COLEC11: variants seen among roughly 807,000 people sequenced by gnomAD.
The protein encoded by COLEC11 is collectin-11.
Under a neutral mutation model 27.3 loss-of-function variants are expected in COLEC11, and 20 were observed. That is an observed-to-expected ratio of 0.73 (90% CI 0.51 to 1.06). COLEC11 has a LOEUF of 1.06. Ranked by LOEUF, COLEC11 falls within the 50% of genes least tolerant of loss-of-function variation. The pLI is 0.00. For missense variants in COLEC11, 310 were observed against 383.0 expected, an observed-to-expected ratio of 0.81 and a Z score of 1.59; for synonymous variants, 163 against 154.7, an observed-to-expected ratio of 1.05 and a Z score of -0.40.
chr2:3,612,258 GCACACATGCA>G (rs771693187), intron 2 of COLEC11, among the ~76,000 whole-genome samples: 50 of 151,322 alleles, frequency 3.3e-4, no homozygotes, highest in Middle Eastern at 3.4e-3. Flanking sequence ...GCACACGCAT[GCACACATGCA>G]CACACATGCA....
intron 4 of COLEC11, among the ~76,000 whole-genome samples, chr2:3,637,993 C>T (rs1016677423): frequency 6.6e-6 from 1 of 152,198 alleles, no homozygotes; most frequent in Non-Finnish European, 1.5e-5. Context: ...TCCCCCAGCT[C>T]AGGTCTCAGG....
At chr2:3,616,515 G>A (rs1302737693) in intron 3 of COLEC11, among the ~76,000 whole-genome samples, 4 of 152,344 alleles carry the variant, frequency 2.6e-5, no homozygotes, top group African/African-American at 7.2e-5. Flanking sequence ...CGGGCACCTC[G>A]GGAGGCCGAG....
chr2:3,608,081 C>T (rs1411759973), intron 2 of COLEC11, among the ~76,000 whole-genome samples: 2 of 152,208 alleles, frequency 1.3e-5, no homozygotes, highest in Non-Finnish European at 1.5e-5. Context: ...ATAAATATGT[C>T]GAAGTATCTT....
At chr2:3,638,430 G>A (rs1665598010) in intron 4 of COLEC11, among the ~76,000 whole-genome samples, 1 of 152,188 alleles carries the variant, frequency 6.6e-6, no homozygotes, top group African/African-American at 2.4e-5. Flanking sequence ...ATGCGGCTAA[G>A]CTGCCCTGAG....
In COLEC11 at chr2:3,643,797, C is replaced by T. The variant is rs545129835; in HGVS notation, c.495C>T (p.Asp165=). The T allele has an allele frequency of 8.2e-5, 132 of 1,613,426 alleles. No homozygotes were observed. Among genetic ancestry groups the T allele is most frequent in the Admixed American group, 3.5e-4 (21 of 60,016 alleles). Residue 165 remains aspartate (D), a synonymous_variant, in exon 7 of 7, where the codon GAC becomes GAT. Transcript: ENST00000349077. ...LLVKEEKRYA[D]AQLSCQGRGG... ...TGAAGGAGGAGAAGCGCTACGCGGA[C>T]GCCCAGCTGTCCTGCCAGGGCCGCG...
chr2:3,611,336 C>CG (rs1663176069), intron 2 of COLEC11, among the ~76,000 whole-genome samples: 1 of 152,226 alleles, frequency 6.6e-6, no homozygotes, highest in Non-Finnish European at 1.5e-5. Flanking sequence ...CGCACAGCGT[C>CG]TCTGCTCGGC....
chr2:3,598,328 T>C (rs1661998123), intron 1 of COLEC11, among the ~76,000 whole-genome samples: 1 of 152,184 alleles, frequency 6.6e-6, no homozygotes, highest in South Asian at 2.1e-4. Flanking sequence ...GTGTAGACAT[T>C]AGATATAATA....
chr2:3,613,233 CTGTTCTTCCTCCACAAA>C, intron 2 of COLEC11, 61 bp from the exon 3 acceptor site: 1 of 1,465,332 alleles, frequency 6.8e-7, no homozygotes, highest in Non-Finnish European at 9.4e-7. Flanking sequence ...ACGCTTCTAA[CTGTTCTTCCTCCACAAA>C]TCACTCTGAG....
intron 5 of COLEC11, chr2:3,641,125 T>C (rs1325447842): frequency 1.2e-6 from 1 of 854,928 alleles, no homozygotes; most frequent in Non-Finnish European, 1.7e-6. Context: ...ACCCACCATG[T>C]AGACCCCACG....
intron 5 of COLEC11, chr2:3,641,514 T>C (rs1478905783): frequency 9.6e-7 from 1 of 1,036,760 alleles, no homozygotes; most frequent in Non-Finnish European, 1.2e-6. Context: ...GGTCAGAGTT[T>C]GGAGGTTAAA....
At chr2:3,609,090 T>C (rs547992005) in intron 2 of COLEC11, among the ~76,000 whole-genome samples, 8 of 152,346 alleles carry the variant, frequency 5.3e-5, no homozygotes, top group African/African-American at 1.7e-4. Context: ...GAAATGCGCC[T>C]GGCCCTGTAC....
At chr2:3,603,917 C>G in intron 1 of COLEC11, 1 of 581,820 alleles carries the variant, frequency 1.7e-6, no homozygotes, top group Non-Finnish European at 3.1e-6. Flanking sequence ...TTAGCTGTAT[C>G]TCAGCCTCCC....
chr2:3,625,574 G>T (rs1236206370), intron 3 of COLEC11, among the ~76,000 whole-genome samples: 1 of 150,232 alleles, frequency 6.7e-6, no homozygotes, highest in East Asian at 2.0e-4. Context: ...GGTCTACTCT[G>T]TGCCTCAGCT....
In COLEC11 at chr2:3,637,560, G is replaced by A. The variant is rs770250759; in HGVS notation, c.230G>A (p.Gly77Asp). 1.9e-6 allele frequency: 3 copies of A among 1,614,048 alleles called. No individual in the cohort carries two copies. Among genetic ancestry groups the A allele is most frequent in the African/African-American group, 2.7e-5 (2 of 74,908 alleles). ...GACATGGGGGACAAAGGACAGAAAG[G>A]CAGTGTGGGTCGTCATGGAAAAATT... is the stretch of plus-strand genomic sequence containing the variant. Reference protein sequence around the residue: ...KGDMGDKGQKGSVGRHGKIGP... With the variant: ...KGDMGDKGQKDSVGRHGKIGP... The change falls in exon 4 of 7, where the codon GGC becomes GAC. Residue 77 changes from glycine to aspartate, a missense_variant. Transcript: ENST00000349077.
intron 1 of COLEC11, chr2:3,603,380 G>A: frequency 2.3e-6 from 1 of 443,080 alleles, no homozygotes; most frequent in Non-Finnish European, 4.2e-6. Flanking sequence ...GTAGTGGCGT[G>A]ATCTCAGGTC....
intron 1 of COLEC11, among the ~76,000 whole-genome samples, chr2:3,595,686 A>G (rs1163635582): frequency 6.6e-6 from 1 of 152,162 alleles, no homozygotes; most frequent in African/African-American, 2.4e-5. Context: ...TTCCAGGGAA[A>G]GACTTTGAGT....
chr2:3,614,501 C>T (rs1018063326), intron 3 of COLEC11, among the ~76,000 whole-genome samples: 3 of 152,084 alleles, frequency 2.0e-5, no homozygotes, highest in Non-Finnish European at 4.4e-5. Flanking sequence ...TGCCCTCGCC[C>T]GTACCCCTCA....
chr2:3,605,740 C>G (rs567706069), intron 2 of COLEC11: 4 of 222,280 alleles, frequency 1.8e-5, no homozygotes, highest in African/African-American at 6.9e-5. Flanking sequence ...AAAGTAGATT[C>G]AAACCCATGA....
intron 2 of COLEC11, among the ~76,000 whole-genome samples, chr2:3,612,283 C>T (rs1311041644): frequency 6.6e-6 from 1 of 152,180 alleles, no homozygotes; most frequent in East Asian, 1.9e-4. Flanking sequence ...CATGCACACA[C>T]ACTCCCTGTC....
Sources: allele counts gnomAD v4.1 joint callset (sites outside exome capture counted in the v4.1 genomes callset), GRCh38; gene constraint gnomAD v4.1.1; transcripts MANE v1.5; gene names NCBI Gene and HGNC (gene_info 2026-07-23, HGNC 2026-07-21).